Variants in NCAM2 observed in about 807,000 individuals in gnomAD.
NCAM2 encodes the protein N-CAM-2.
A neutral mutation model predicts 98.1 loss-of-function variants in NCAM2; 30 were observed. The ratio of observed to expected loss-of-function variants is 0.31; its 90% CI spans 0.23 to 0.41. The LOEUF (loss-of-function observed/expected upper bound fraction) is 0.41, where lower values mean the gene tolerates loss of function less well. Ranked by LOEUF, NCAM2 falls within the 10% of genes least tolerant of loss-of-function variation. NCAM2 has a pLI of 1.00. For synonymous variants in NCAM2, 368 were observed against 342.4 expected (o/e 1.07, Z -0.83); for missense variants, 867 against 1,005.8 (o/e 0.86, Z 1.87).
At chr21:21,063,741 T>A (rs2146337305) in intron 1 of NCAM2, among the ~76,000 whole-genome samples, 1 of 152,334 alleles carries the variant, frequency 6.6e-6, no homozygotes, top group South Asian at 2.1e-4. Context: ...GTGGTTTCTT[T>A]GGTATTTATT....
intron 1 of NCAM2, among the ~76,000 whole-genome samples, chr21:21,064,842 G>A (rs190786338): frequency 3.9e-5 from 6 of 152,158 alleles, no homozygotes; most frequent in African/African-American, 1.2e-4. Context: ...TGATCAACGG[G>A]CAACATGATT....
intron 1 of NCAM2, among the ~76,000 whole-genome samples, chr21:21,101,587 G>C (rs938067301): frequency 9.9e-5 from 15 of 151,952 alleles, no homozygotes; most frequent in Admixed American, 5.9e-4. Context: ...TTCTGATTTA[G>C]TAAACATGGC....
At chr21:21,454,872 G>T (rs1333460565) in intron 12 of NCAM2, among the ~76,000 whole-genome samples, 1 of 151,832 alleles carries the variant, frequency 6.6e-6, no homozygotes, top group Non-Finnish European at 1.5e-5. Flanking sequence ...AATAGAAAAA[G>T]AAATATATAA....
intron 1 of NCAM2, among the ~76,000 whole-genome samples, chr21:21,237,507 G>A (rs140704919): frequency 1.4e-4 from 21 of 152,088 alleles, no homozygotes; most frequent in African/African-American, 4.8e-4. Context: ...AGGAAAAAAT[G>A]TTTCTTTAAA....
intron 9 of NCAM2, among the ~76,000 whole-genome samples, chr21:21,386,168 G>A (rs1470248819): frequency 6.6e-6 from 1 of 152,010 alleles, no homozygotes; most frequent in Non-Finnish European, 1.5e-5. Flanking sequence ...TATAACAGTG[G>A]ATGTACATTC....
chr21:21,428,165 C>A (rs1031043931), intron 11 of NCAM2, among the ~76,000 whole-genome samples: 1 of 152,094 alleles, frequency 6.6e-6, no homozygotes, highest in South Asian at 2.1e-4. Context: ...TGCACAATTG[C>A]TTTTCTATTC....
chr21:21,005,816 A>G (rs533070480), intron 1 of NCAM2, among the ~76,000 whole-genome samples: 1 of 152,044 alleles, frequency 6.6e-6, no homozygotes, highest in Non-Finnish European at 1.5e-5. Flanking sequence ...CCCCCAAAAA[A>G]AAAACCCTAA....
At chr21:21,289,379 A>G (rs1055691096) in intron 4 of NCAM2, among the ~76,000 whole-genome samples, 7 of 152,028 alleles carry the variant, frequency 4.6e-5, no homozygotes, top group Admixed American at 3.9e-4. Flanking sequence ...CATTGAGTCT[A>G]TGATAACGAA....
chr21:21,455,525 T>G (rs1982012593), intron 12 of NCAM2, among the ~76,000 whole-genome samples: 2 of 151,968 alleles, frequency 1.3e-5, no homozygotes, highest in Non-Finnish European at 2.9e-5. Context: ...TTCATAGAAT[T>G]ACTGTCCTAA....
chr21:21,110,877 G>A (rs1282244285), intron 1 of NCAM2, among the ~76,000 whole-genome samples: 1 of 151,938 alleles, frequency 6.6e-6, no homozygotes, highest in Non-Finnish European at 1.5e-5. Context: ...CAGAGTCAGT[G>A]AGAATATCAA....
chr21:21,232,174 T>A (rs2070655745), intron 1 of NCAM2, among the ~76,000 whole-genome samples: 1 of 151,532 alleles, frequency 6.6e-6, no homozygotes, highest in Non-Finnish European at 1.5e-5. Flanking sequence ...TGTAGATTCC[T>A]GTCACCCAAG....
intron 1 of NCAM2, among the ~76,000 whole-genome samples, chr21:21,175,172 C>A (rs1277220737): frequency 6.6e-6 from 1 of 151,942 alleles, no homozygotes; most frequent in Non-Finnish European, 1.5e-5. Flanking sequence ...AACTGGGAAA[C>A]AAGTCAAGAT....
At chr21:21,218,395 G>C (rs1226895030) in intron 1 of NCAM2, among the ~76,000 whole-genome samples, 1 of 152,148 alleles carries the variant, frequency 6.6e-6, no homozygotes, top group Non-Finnish European at 1.5e-5. Context: ...ACTAGATAGT[G>C]AATGTTTAAG....
chr21:21,518,290 A>T (rs1988824890), intron 16 of NCAM2, among the ~76,000 whole-genome samples: 1 of 152,168 alleles, frequency 6.6e-6, no homozygotes, highest in Non-Finnish European at 1.5e-5. Flanking sequence ...TAATTAGATA[A>T]CATATTTCAG....
intron 1 of NCAM2, among the ~76,000 whole-genome samples, chr21:21,057,866 A>G (rs543749224): frequency 9.9e-5 from 15 of 152,078 alleles, no homozygotes; most frequent in South Asian, 4.1e-4. Context: ...GACCTTCTCT[A>G]TGGGATATCC....
chr21:21,315,142 T>C (rs1027208104), intron 5 of NCAM2, among the ~76,000 whole-genome samples: 3 of 152,200 alleles, frequency 2.0e-5, no homozygotes, highest in Admixed American at 1.3e-4. Context: ...CTTGGTTTTA[T>C]ATTCAGACGC....
intron 1 of NCAM2, among the ~76,000 whole-genome samples, chr21:21,107,090 C>T (rs764667892): frequency 1.3e-5 from 2 of 152,078 alleles, no homozygotes; most frequent in African/African-American, 2.4e-5. Flanking sequence ...ACCAGTCCAT[C>T]TCGTTTAGGG....
At chr21:21,245,664 A>G (rs1004129849) in intron 1 of NCAM2, among the ~76,000 whole-genome samples, 1 of 152,226 alleles carries the variant, frequency 6.6e-6, no homozygotes, top group East Asian at 1.9e-4. Flanking sequence ...CCCCAAAATC[A>G]TGTTGTAAAC....
At chr21:21,082,217 G>C (rs1054228525) in intron 1 of NCAM2, among the ~76,000 whole-genome samples, 1 of 96,660 alleles carries the variant, frequency 1.0e-5, no homozygotes, top group African/African-American at 6.2e-5. Context: ...GACAGAGTGA[G>C]AATCCTTTAA....
Sources: gnomAD v4.1 joint callset for allele counts (sites outside exome capture counted in the v4.1 genomes callset) on GRCh38, gnomAD v4.1.1 for gene constraint, MANE v1.5 for transcripts, NCBI Gene and HGNC (gene_info 2026-07-23, HGNC 2026-07-21) for gene names.